Variants in BIN1 observed in about 807,000 individuals in gnomAD.
BIN1 encodes myc box-dependent-interacting protein 1.
A neutral mutation model predicts 82.0 loss-of-function variants in BIN1; 53 were observed. That is an observed-to-expected ratio of 0.65 (90% CI 0.52 to 0.81). The LOEUF is 0.81. Among genes scored for constraint, BIN1 ranks in the 40% least tolerant of loss-of-function variants. The pLI is 0.00. For synonymous variants in BIN1, 302 were observed against 328.0 expected, an observed-to-expected ratio of 0.92 and a Z score of 0.86; for missense variants, 642 against 784.4, an observed-to-expected ratio of 0.82 and a Z score of 2.17.
At chr2:127,098,115 C>T (rs954451211) in intron 1 of BIN1, among the ~76,000 whole-genome samples, 1 of 152,202 alleles carries the variant, frequency 6.6e-6, no homozygotes, top group Non-Finnish European at 1.5e-5. Context: ...GGTGTAAATG[C>T]GAAGCCATCG....
At chr2:127,095,382 C>T (rs966702179) in intron 1 of BIN1, among the ~76,000 whole-genome samples, 6 of 152,222 alleles carry the variant, frequency 3.9e-5, no homozygotes, top group African/African-American at 1.4e-4. Flanking sequence ...CCATGCCTCC[C>T]TGGCGGGGTC....
chr2:127,098,204 A>G (rs1384780129), intron 1 of BIN1, among the ~76,000 whole-genome samples: 1 of 152,226 alleles, frequency 6.6e-6, no homozygotes, highest in African/African-American at 2.4e-5. Context: ...AACAAGGACC[A>G]TATTTCAGGA....
At chr2:127,050,394 G>T in intron 18 of BIN1, 27 bp downstream of exon 18, 1 of 1,612,356 alleles carries the variant, frequency 6.2e-7, no homozygotes, top group African/African-American at 1.3e-5. Context: ...GTCCCCCTGC[G>T]CTCTGGCGGC....
At chr2:127,052,821 T>C in intron 14 of BIN1, 2 of 252,646 alleles carry the variant, frequency 7.9e-6, no homozygotes, top group Non-Finnish European at 7.8e-6. Flanking sequence ...GGCTCTACCA[T>C]GACCAGTTCT....
rs1480027522 is a variant in BIN1 at position 127,093,251 on chromosome 2, G to A, written c.84+13609C>T. ...TGCAGACTCTGAACAAAGGGCATGT[G>A]AAAGGCCTCAGAGGTAAGCTCTCTG... is the stretch of plus-strand genomic sequence containing the variant. On this transcript the variant is annotated intron_variant, in intron 1 of 18. Coordinates refer to ENST00000316724, the MANE Select transcript of BIN1 (RefSeq NM_139343.3). The surrounding 1 kb of genome is among the most constrained non-coding windows in gnomAD (Gnocchi z 5.7). Among the ~76,000 whole-genome samples, 1 of 152,226 alleles carries A rather than the reference G, an allele frequency of 6.6e-6. No individual in the cohort carries two copies. Among genetic ancestry groups the A allele is most frequent in the Non-Finnish European group, 1.5e-5 (1 of 68,036 alleles).
rs2104934037 is a variant in BIN1 at position 127,057,335 on chromosome 2, A to G, written c.1131+138T>C. 3 of 1,212,092 alleles carry G rather than the reference A, an allele frequency of 2.5e-6. No individual in the cohort carries two copies. The highest frequency in any genetic ancestry group is 3.3e-6 in the Non-Finnish European group (3 of 910,384). 75.1% of individuals were successfully genotyped at this position (1,212,092 alleles called of 1,614,324 possible). A position where few individuals can be genotyped will look rare whatever the true frequency, so the allele number is the denominator to read the frequency against. ...ATGGAGGATGATGGATGGAGGGAACAAAGGGTGAGAGAGGGAAACTGACAC... is the reference window on the plus strand; with the variant it reads ...ATGGAGGATGATGGATGGAGGGAACGAAGGGTGAGAGAGGGAAACTGACAC... On this transcript the variant is annotated intron_variant, in intron 12 of 18. Coordinates refer to ENST00000316724, the MANE Select transcript of BIN1 (RefSeq NM_139343.3). This position sits in a 1 kb window ranked among gnomAD's most constrained non-coding sequence, Gnocchi z 5.0.
At chr2:127,103,689 CCTT>C (rs1680640849) in intron 1 of BIN1, among the ~76,000 whole-genome samples, 2 of 152,210 alleles carry the variant, frequency 1.3e-5, no homozygotes, top group African/African-American at 4.8e-5. Flanking sequence ...CCTCAGCTGT[CCTT>C]CTCCCCAGGC....
intron 14 of BIN1, chr2:127,052,720 G>A (rs182928310): frequency 2.4e-5 from 8 of 339,778 alleles, no homozygotes; most frequent in Non-Finnish European, 4.4e-5. Context: ...CATGCCCCAA[G>A]GGCGCCTGCA....
chr2:127,060,542 G>C (rs977727480), intron 10 of BIN1: 41 of 1,611,792 alleles, frequency 2.5e-5, no homozygotes, highest in Non-Finnish European at 3.5e-5. Flanking sequence ...CGCATGCACA[G>C]GGCCAGCCAG....
chr2:127,060,716 T>C, intron 10 of BIN1: 2 of 1,576,178 alleles, frequency 1.3e-6, no homozygotes, highest in South Asian at 2.2e-5. Context: ...TCCCCTTCCC[T>C]CTTTGCCAAC....
chr2:127,096,392 C>T lies in BIN1; in HGVS notation c.84+10468G>A, dbSNP rs149501722. 1.5e-3 allele frequency among the ~76,000 whole-genome samples: 232 copies of T among 152,298 alleles called. 2 individuals are homozygous for T. Among genetic ancestry groups the T allele is most frequent in the Admixed American group, 0.014 (218 of 15,300 alleles). On this transcript the variant is annotated intron_variant, in intron 1 of 18. Transcript: ENST00000316724. ...CGCCCGTGGGCTGTCATGAGATGCT[C>T]CCTGGGAAAGAGCGTTTGCATCACC...
rs372752241 is a variant in BIN1, at chr2:127,052,015, G to A, written c.1371+240C>T. ...TAGGTGCTCTAAATGCTCCTCCTGCGCTGGGAGGCTGGGCTGGGGTGGGCA... is the reference window on the plus strand; with the variant it reads ...TAGGTGCTCTAAATGCTCCTCCTGCACTGGGAGGCTGGGCTGGGGTGGGCA... On this transcript the variant is annotated intron_variant, in intron 15 of 18. Transcript: ENST00000316724. 4.6e-5 allele frequency among the ~76,000 whole-genome samples: 7 copies of A among 152,372 alleles called. No individual in the cohort carries two copies. In the South Asian group the frequency reaches 1.5e-3, roughly 32 times the overall value.
rs537870158 is a variant in BIN1, at chr2:127,060,430, G to A, written c.858-1275C>T. On this transcript the variant is annotated intron_variant, in intron 10 of 18. Coordinates refer to ENST00000316724, the MANE Select transcript of BIN1 (RefSeq NM_139343.3). ...CTCAGAGGCCAGCCCGCCCCGCGCC[G>A]CCTCCGCCTTCCCACCCAACACGCA... Among the ~76,000 whole-genome samples the A allele has an allele frequency of 2.0e-3, 303 of 152,246 alleles. 1 individual carries two copies. The highest frequency in any genetic ancestry group is 6.8e-3 in the African/African-American group (282 of 41,530).
At chr2:127,069,859 G>A (rs1339866144) in intron 5 of BIN1, 136 bp downstream of exon 5, 2 of 837,196 alleles carry the variant, frequency 2.4e-6, no homozygotes, top group African/African-American at 1.7e-5. Flanking sequence ...CAACCCCGGA[G>A]GGGTGAAACA....
intron 2 of BIN1, among the ~76,000 whole-genome samples, chr2:127,071,644 G>T (rs984019280): frequency 9.2e-5 from 14 of 152,180 alleles, no homozygotes; most frequent in African/African-American, 3.4e-4. Context: ...GTGAACAATA[G>T]GTGAGGCCAG....
chr2:127,104,700 C>T (rs1165553427), intron 1 of BIN1, among the ~76,000 whole-genome samples: 1 of 152,186 alleles, frequency 6.6e-6, no homozygotes, highest in Non-Finnish European at 1.5e-5. Context: ...GCACTGATCA[C>T]CAACAGAAGA....
chr2:127,053,842 A>G (rs1217522644), intron 13 of BIN1, 63 bp downstream of exon 13: 2 of 1,497,092 alleles, frequency 1.3e-6, no homozygotes, highest in African/African-American at 2.8e-5. Context: ...AATAGGCAAC[A>G]TGAGCCCAGG....
chr2:127,071,634 G>A (rs1685909367), intron 2 of BIN1, among the ~76,000 whole-genome samples: 1 of 152,188 alleles, frequency 6.6e-6, no homozygotes, highest in Non-Finnish European at 1.5e-5. Flanking sequence ...TCCAGGAGGG[G>A]TGAACAATAG....
intron 1 of BIN1, chr2:127,081,829 C>T (rs1350971949): frequency 1.6e-6 from 2 of 1,288,206 alleles, no homozygotes; most frequent in South Asian, 1.2e-5. Flanking sequence ...ATAAGGCCCT[C>T]ACCTTCCGCA....
Sources: allele counts gnomAD v4.1 joint callset (sites outside exome capture counted in the v4.1 genomes callset), GRCh38; gene constraint gnomAD v4.1.1; non-coding constraint Gnocchi (gnomAD v3.1); transcripts MANE v1.5; gene names NCBI Gene and HGNC (gene_info 2026-07-23, HGNC 2026-07-21).